The following ASCC3 variants were observed in gnomAD, a reference collection of about 807,000 sequenced individuals.
The protein encoded by ASCC3 is ASC-1 complex subunit P200.
ASCC3 carries 158 observed loss-of-function variants against 256.3 expected under a neutral mutation model. The observed-to-expected ratio is 0.62, with a 90% CI of 0.54 to 0.70. The LOEUF is 0.70. Among genes scored for constraint, ASCC3 ranks in the 30% least tolerant of loss-of-function variants. The pLI, the probability that ASCC3 is intolerant of heterozygous loss-of-function variation, is 0.00. For missense variants in ASCC3, 2,259 were observed against 2,626.0 expected (o/e 0.86, Z 3.05); for synonymous variants, 948 against 883.4 (o/e 1.07, Z -1.30).
chr6:100,563,789 T>C (rs981731852), intron 36 of ASCC3, among the ~76,000 whole-genome samples: 1 of 152,308 alleles, frequency 6.6e-6, no homozygotes, highest in East Asian at 1.9e-4. Flanking sequence ...TATAATACAC[T>C]GATAATCTAA....
intron 11 of ASCC3, among the ~76,000 whole-genome samples, chr6:100,722,814 C>A (rs1030715410): frequency 1.3e-5 from 2 of 151,620 alleles, no homozygotes; most frequent in African/African-American, 4.8e-5. Flanking sequence ...GTATAGCTCC[C>A]CGAATGTAAA....
chr6:100,652,414 C>T (rs957286675), intron 18 of ASCC3, among the ~76,000 whole-genome samples: 4 of 151,942 alleles, frequency 2.6e-5, no homozygotes, highest in Admixed American at 6.6e-5. Context: ...TGGGGAAAGA[C>T]GGGGGAAAGT....
chr6:100,879,936 A>C (rs1233770971), intron 1 of ASCC3, among the ~76,000 whole-genome samples: 2 of 152,172 alleles, frequency 1.3e-5, no homozygotes, highest in Non-Finnish European at 2.9e-5. Flanking sequence ...AAAGAACCCT[A>C]GTCAAGATTC....
chr6:100,810,037 A>G (rs56304435), intron 4 of ASCC3, among the ~76,000 whole-genome samples: 1,916 of 152,240 alleles, frequency 0.013, 44 homozygotes, highest in African/African-American at 0.045. Flanking sequence ...TAGTATCCTG[A>G]TCCTTACAAG....
Position 100,518,096 on chromosome 6 carries a change from A to G in ASCC3, c.5822T>C (p.Leu1941Pro), listed in dbSNP as rs1774124802. 6.2e-7 allele frequency: 1 copy of G among 1,613,712 alleles called. No individual in the cohort carries two copies. The highest frequency in any genetic ancestry group is 8.5e-7 in the Non-Finnish European group (1 of 1,179,732). ...AANQGWLVTVLNITNLIQMVI... is the reference protein window; with the variant it reads ...AANQGWLVTVPNITNLIQMVI... Reference sequence around the variant, plus strand: ...CATCTGAATCAGGTTGGTGATATTCAGGACAGTCACCAGCCAGCCCTGGTT... The same window carrying G: ...CATCTGAATCAGGTTGGTGATATTCGGGACAGTCACCAGCCAGCCCTGGTT... The change falls in exon 38 of 42, where the codon CTG (leucine) becomes CCG (proline). Residue 1941 changes from leucine (L) to proline (P), a missense_variant. Coordinates refer to ENST00000369162, the MANE Select transcript of ASCC3 (RefSeq NM_006828.4).
chr6:100,527,751 A>G (rs939653399), intron 37 of ASCC3, among the ~76,000 whole-genome samples: 1 of 151,982 alleles, frequency 6.6e-6, no homozygotes, highest in African/African-American at 2.4e-5. Flanking sequence ...CCACATCGTT[A>G]TATCTTCTTT....
chr6:100,706,160 A>G (rs758063366), intron 13 of ASCC3, among the ~76,000 whole-genome samples: 5 of 149,102 alleles, frequency 3.4e-5, no homozygotes, highest in Admixed American at 6.8e-5. Flanking sequence ...AATAAAATTG[A>G]AGAGTTTATT....
intron 4 of ASCC3, among the ~76,000 whole-genome samples, chr6:100,835,434 T>G (rs1771828129): frequency 6.6e-6 from 1 of 152,136 alleles, no homozygotes; most frequent in Non-Finnish European, 1.5e-5. Context: ...ATTACACTAT[T>G]TTGAGTTGAT....
At chr6:100,867,595 C>T (rs1773539611) in intron 2 of ASCC3, among the ~76,000 whole-genome samples, 1 of 151,934 alleles carries the variant, frequency 6.6e-6, no homozygotes, top group East Asian at 1.9e-4. Flanking sequence ...AAAAAACTTA[C>T]TCAGATAATC....
At chr6:100,800,977 TA>T (rs1769889660) in intron 5 of ASCC3, among the ~76,000 whole-genome samples, 1 of 152,072 alleles carries the variant, frequency 6.6e-6, no homozygotes. Flanking sequence ...CTTAGTTATT[TA>T]TAGATTACAT....
At chr6:100,852,095 T>TG (rs1019226265) in intron 3 of ASCC3, among the ~76,000 whole-genome samples, 1 of 152,206 alleles carries the variant, frequency 6.6e-6, no homozygotes, top group Non-Finnish European at 1.5e-5. Context: ...CCCCAGGTGC[T>TG]GGGGCCGCAA....
intron 16 of ASCC3, among the ~76,000 whole-genome samples, chr6:100,656,333 C>T (rs901253001): frequency 2.0e-5 from 3 of 151,376 alleles, no homozygotes; most frequent in South Asian, 2.1e-4. Context: ...TGCAGGACTG[C>T]GAGTGTGAAG....
intron 3 of ASCC3, chr6:100,858,164 T>C (rs1773048822): frequency 2.2e-6 from 1 of 463,744 alleles, no homozygotes; most frequent in Non-Finnish European, 2.8e-6. Context: ...GTAAAATGTA[T>C]TACGTTACAT....
Position 100,601,847 on chromosome 6 carries a change from A to G in ASCC3, c.5266T>C (p.Trp1756Arg). 6.2e-7 allele frequency: 1 copy of G among 1,612,704 alleles called. No individual in the cohort carries two copies. The highest frequency in any genetic ancestry group is 8.5e-7 in the Non-Finnish European group (1 of 1,178,996). Residue 1756 changes from tryptophan (W) to arginine (R), a missense_variant, in exon 34 of 42, where the codon TGG becomes CGG. By Grantham distance (101) the Trp-to-Arg change is moderately radical. Transcript: ENST00000369162. ...ATAAGACGTCGGAAAAAGTAAGTCC[A>G]GGTGATATAATCCAATGCATCTTGC... is the stretch of plus-strand genomic sequence containing the variant. ...SKQDALDYIT[W>R]TYFFRRLIMN... is the part of the protein sequence containing the mutation.
intron 35 of ASCC3, 32 bp from the exon 36 acceptor site, chr6:100,589,800 G>A (rs760414913): frequency 1.2e-5 from 19 of 1,612,516 alleles, no homozygotes; most frequent in African/African-American, 4.0e-5. Flanking sequence ...TGAAGAGTAC[G>A]ATGAAAGTAC....
At chr6:100,751,590 AT>A (rs983317867) in intron 10 of ASCC3, among the ~76,000 whole-genome samples, 2 of 152,032 alleles carry the variant, frequency 1.3e-5, no homozygotes, top group Admixed American at 1.3e-4. Flanking sequence ...AAGACAAATT[AT>A]TTTTTATGCT....
chr6:100,820,731 T>C (rs912624968), intron 4 of ASCC3, among the ~76,000 whole-genome samples: 5 of 151,726 alleles, frequency 3.3e-5, no homozygotes, highest in Admixed American at 1.3e-4. Context: ...AAAAATCATG[T>C]ATCTATCTGA....
chr6:100,848,639 T>A lies in ASCC3; in HGVS notation c.310A>T (p.Lys104Ter). 6.2e-7 allele frequency: 1 copy of A among 1,614,098 alleles called. No homozygotes were observed. Among genetic ancestry groups the A allele is most frequent in the Non-Finnish European group, 8.5e-7 (1 of 1,180,026 alleles). ...AAFLFMTFHL[K>*]DSVGHKETKA... ...GTTTCCTTGTGACCAACAGAGTCCTTCAAGTGAAATGTCATGAAGAGAAAT... is the reference window on the plus strand; with the variant it reads ...GTTTCCTTGTGACCAACAGAGTCCTACAAGTGAAATGTCATGAAGAGAAAT... Residue 104 changes from lysine to a stop codon, truncating the protein, a stop_gained, in exon 4 of 42, where the codon AAG becomes TAG. Transcript: ENST00000369162. LOFTEE classifies it high-confidence loss of function.
In ASCC3 at chr6:100,682,539, C is replaced by T. The variant is rs78031936; in HGVS notation, c.2152-2787G>A. ...CAAAGAGAAGATAACATGTGGATAA[C>T]GTGGGAACCCTAAACATGGAGCTAC... On this transcript the variant is annotated intron_variant, in intron 13 of 41. Transcript: ENST00000369162. Among the ~76,000 whole-genome samples, 1,363 of 152,224 alleles carry T rather than the reference C, an allele frequency of 9.0e-3. 16 individuals carry two copies. Among genetic ancestry groups the T allele is most frequent in the Non-Finnish European group, 0.014 (938 of 67,992 alleles).
Sources: allele counts gnomAD v4.1 joint callset (sites outside exome capture counted in the v4.1 genomes callset), GRCh38; gene constraint gnomAD v4.1.1; transcripts MANE v1.5; gene names NCBI Gene and HGNC (gene_info 2026-07-23, HGNC 2026-07-21).